The following SPAG16 variants were observed in gnomAD, a reference collection of about 807,000 sequenced individuals.
SPAG16 encodes sperm associated antigen 16, also known as sperm-associated antigen 16 protein.
SPAG16 carries 86 observed loss-of-function variants against 80.4 expected under a neutral mutation model. The observed-to-expected ratio is 1.07, with a 90% confidence interval of 0.90 to 1.28. The LOEUF is 1.28. SPAG16 is among the 50% of genes most tolerant of loss of function. The pLI, the probability that SPAG16 is intolerant of heterozygous loss-of-function variation, is 0.00. For missense variants in SPAG16, 870 were observed against 765.3 expected, an observed-to-expected ratio of 1.14 and a Z score of -1.61; for synonymous variants, 294 against 265.9, an observed-to-expected ratio of 1.11 and a Z score of -1.03.
At chr2:214,041,976 G>GTA (rs1412300296) in intron 13 of SPAG16, among the ~76,000 whole-genome samples, 2 of 88,276 alleles carry the variant, frequency 2.3e-5, no homozygotes, top group Admixed American at 1.1e-4. Flanking sequence ...GTGTCTGTGT[G>GTA]TGTATATATA....
intron 10 of SPAG16, among the ~76,000 whole-genome samples, chr2:213,721,929 A>G (rs1171488957): frequency 1.3e-5 from 2 of 152,224 alleles, no homozygotes; most frequent in African/African-American, 4.8e-5. Flanking sequence ...TTAACCGACA[A>G]TCATATTACA....
chr2:214,111,945 G>T (rs1036897928), intron 14 of SPAG16, among the ~76,000 whole-genome samples: 1 of 152,082 alleles, frequency 6.6e-6, no homozygotes, highest in Non-Finnish European at 1.5e-5. Context: ...TGGTGTATAG[G>T]AATGTTTGTG....
At chr2:213,516,736 G>A (rs1575810019) in intron 10 of SPAG16, among the ~76,000 whole-genome samples, 1 of 152,100 alleles carries the variant, frequency 6.6e-6, no homozygotes, top group African/African-American at 2.4e-5. Context: ...GGAAATGAAT[G>A]TCAAAAAATC....
intron 13 of SPAG16, among the ~76,000 whole-genome samples, chr2:214,062,229 G>T (rs1294809049): frequency 6.6e-6 from 1 of 151,796 alleles, no homozygotes; most frequent in Non-Finnish European, 1.5e-5. Context: ...AGACCAGCCT[G>T]GACAACATGA....
rs149447390 is a variant in SPAG16 at position 214,128,799 on chromosome 2, T to A, written c.1594-20341T>A. Among the ~76,000 whole-genome samples the A allele has an allele frequency of 1.1e-3, 173 of 151,982 alleles. 1 individual carries two copies. The highest frequency in any genetic ancestry group is 4.1e-3 in the African/African-American group (169 of 41,564). On this transcript the variant is annotated intron_variant, in intron 14 of 15. Transcript: ENST00000331683. ...AGATATTTTGTATTTTTACAAATAG[T>A]CTTGAACTTTGTTCTGGAATGCTGT...
At chr2:213,730,201 T>G (rs1195114762) in intron 10 of SPAG16, among the ~76,000 whole-genome samples, 1 of 152,168 alleles carries the variant, frequency 6.6e-6, no homozygotes, top group African/African-American at 2.4e-5. Flanking sequence ...AGACATTGAG[T>G]CAATCTCACT....
chr2:213,365,914 G>T (rs1352760757), intron 8 of SPAG16, among the ~76,000 whole-genome samples: 2 of 150,444 alleles, frequency 1.3e-5, no homozygotes, highest in Non-Finnish European at 3.0e-5. Flanking sequence ...AGGCTGAGGC[G>T]GGCGGATCAC....
chr2:213,343,368 G>T (rs935110478), intron 6 of SPAG16, among the ~76,000 whole-genome samples: 1 of 152,120 alleles, frequency 6.6e-6, no homozygotes. Flanking sequence ...AACTCGAGCT[G>T]ATTCACTGGG....
chr2:213,937,448 C>T (rs975598656), intron 12 of SPAG16, among the ~76,000 whole-genome samples: 2 of 151,912 alleles, frequency 1.3e-5, no homozygotes, highest in East Asian at 3.9e-4. Context: ...TGGTAAGATA[C>T]TTAAATTGAC....
intron 15 of SPAG16, among the ~76,000 whole-genome samples, chr2:214,371,392 C>T (rs1699803756): frequency 1.3e-5 from 2 of 151,634 alleles, no homozygotes. Flanking sequence ...ATTAGCTGGG[C>T]ATGGTGGCGC....
chr2:213,489,987 C>G lies in SPAG16; in HGVS notation c.967C>G (p.Gln323Glu). ...TKDSEFPIDM[Q>E]PNPNLNVSKE... ...GGATTCAGAATTTCCCATAGATATG[C>G]AACCAAATCCAAACCTGAATGTTTC... Residue 323 changes from glutamine to glutamate, a missense_variant, in exon 10 of 16, where the codon CAA (glutamine) becomes GAA (glutamate). Transcript: ENST00000331683. The G allele has an allele frequency of 6.2e-7, 1 of 1,605,488 alleles. No homozygotes were observed. The highest frequency in any genetic ancestry group is 8.5e-7 in the Non-Finnish European group (1 of 1,176,686).
chr2:213,821,780 T>C (rs2072957018), intron 10 of SPAG16, among the ~76,000 whole-genome samples: 1 of 152,208 alleles, frequency 6.6e-6, no homozygotes, highest in Non-Finnish European at 1.5e-5. Flanking sequence ...AACTTTTAGC[T>C]CTCACAAATA....
At position 213,364,068 on chromosome 2, in the gene SPAG16, C is replaced by T. The variant is rs12469417; in HGVS notation, c.763-8C>T. 0.99 allele frequency: 1,427,727 copies of T among 1,435,022 alleles called. 710,529 individuals carry two copies. Among genetic ancestry groups the T allele is most frequent in the East Asian group, 1 (39,989 of 39,990 alleles). The allele number at this position is 1,435,022 out of a possible 1,614,324, so 88.9% of individuals were successfully genotyped here. A position where few individuals can be genotyped will look rare whatever the true frequency, so the allele number is the denominator to read the frequency against. On this transcript the variant is annotated splice_region_variant and splice_polypyrimidine_tract_variant and intron_variant, in intron 7 of 15. Coordinates refer to ENST00000331683, the MANE Select transcript of SPAG16 (RefSeq NM_024532.5). ...TATAATTTCATTTCTTTGAATTTTA[C>T]TTTTTAGATTTCTGGACTTCAAGAA...
At chr2:214,366,464 T>A (rs150638917) in intron 15 of SPAG16, among the ~76,000 whole-genome samples, 6 of 152,306 alleles carry the variant, frequency 3.9e-5, no homozygotes, top group Non-Finnish European at 7.4e-5. Flanking sequence ...TAGAGAACGA[T>A]TACTCAACGC....
chr2:213,739,841 A>C (rs910672380), intron 10 of SPAG16, among the ~76,000 whole-genome samples: 1 of 152,214 alleles, frequency 6.6e-6, no homozygotes, highest in African/African-American at 2.4e-5. Context: ...ACCTCAGGCT[A>C]TCTGCCTGCC....
chr2:213,296,902 G>A, intron 2 of SPAG16: 1 of 356,826 alleles, frequency 2.8e-6, no homozygotes, highest in Non-Finnish European at 5.0e-6. Flanking sequence ...GAGATTTTCA[G>A]TTGCTAGTAG....
intron 15 of SPAG16, among the ~76,000 whole-genome samples, chr2:214,196,653 CA>C (rs1313930533): frequency 2.6e-5 from 4 of 152,082 alleles, no homozygotes; most frequent in African/African-American, 9.6e-5. Context: ...AGAGTGAAAC[CA>C]GTCTATATGC....
chr2:213,801,236 C>T (rs748233578), intron 10 of SPAG16, among the ~76,000 whole-genome samples: 10 of 152,150 alleles, frequency 6.6e-5, no homozygotes, highest in Non-Finnish European at 1.0e-4. Flanking sequence ...TGTGCGTGCG[C>T]GCGTGCCCAC....
chr2:213,303,112 G>A (rs1438221039), intron 3 of SPAG16, among the ~76,000 whole-genome samples: 3 of 151,928 alleles, frequency 2.0e-5, no homozygotes. Context: ...AATTTCCTGT[G>A]CTAGTAACCA....
Sources: gnomAD v4.1 joint callset for allele counts (sites outside exome capture counted in the v4.1 genomes callset) on GRCh38, gnomAD v4.1.1 for gene constraint, MANE v1.5 for transcripts, NCBI Gene and HGNC (gene_info 2026-07-23, HGNC 2026-07-21) for gene names.